The following HMCN2 variants were observed in gnomAD, a reference collection of about 807,000 sequenced individuals.
HMCN2 encodes hemicentin-2.
Under a neutral mutation model 377.5 loss-of-function variants are expected in HMCN2, and 325 were observed. The observed-to-expected ratio is 0.86, with a 90% CI of 0.79 to 0.94. HMCN2 has a LOEUF of 0.94. Among genes scored for constraint, HMCN2 ranks in the 40% least tolerant of loss-of-function variants. HMCN2 has a pLI of 0.00. For missense variants in HMCN2, 4,543 were observed against 4,725.3 expected (o/e 0.96, Z 1.13); for synonymous variants, 2,007 against 2,046.8 (o/e 0.98, Z 0.53).
At chr9:130,349,227 C>CTCTCCGCA in intron 28 of HMCN2, 96 bp downstream of exon 28, 1 of 1,195,066 alleles carries the variant, frequency 8.4e-7, no homozygotes, top group Non-Finnish European at 1.1e-6. Context: ...ACTTTGCCTG[C>CTCTCCGCA]GGAGAGCAGG....
At chr9:130,288,740 T>C (rs2131291345) in intron 4 of HMCN2, among the ~76,000 whole-genome samples, 1 of 152,342 alleles carries the variant, frequency 6.6e-6, no homozygotes, top group African/African-American at 2.4e-5. Flanking sequence ...CAGTCACAGC[T>C]AGGGCTTACT....
At chr9:130,429,053 A>G in intron 93 of HMCN2, 1 of 179,586 alleles carries the variant, frequency 5.6e-6, no homozygotes, top group South Asian at 1.2e-4. Flanking sequence ...GCCTGACCCA[A>G]GGGGATCAGC....
chr9:130,427,401 A>C, intron 91 of HMCN2, 26 bp downstream of exon 91: 1 of 1,550,490 alleles, frequency 6.4e-7, no homozygotes, highest in Non-Finnish European at 8.7e-7. Flanking sequence ...CCTGGCATGG[A>C]TGTGGGAGGC....
Position 130,422,820 on chromosome 9 carries a change from C to A in HMCN2, c.13381+94C>A. 1.9e-6 allele frequency: 2 copies of A among 1,066,210 alleles called. No homozygotes were observed. The highest frequency in any genetic ancestry group is 2.4e-6 in the Non-Finnish European group (2 of 832,612). The allele number at this position is 1,066,210 out of a possible 1,614,324, so 66.0% of individuals were successfully genotyped here. A position where few individuals can be genotyped will look rare whatever the true frequency, so the allele number is the denominator to read the frequency against. ...ATGCTGGACCTAGGAGGCGCAGAGC[C>A]TGTGCCCCGAGACTTGCTCAAGGCC... On this transcript the variant is annotated intron_variant, in intron 87 of 97. Transcript: ENST00000683500. This position sits in a 1 kb window ranked among gnomAD's most constrained non-coding sequence, Gnocchi z 4.2.
intron 22 of HMCN2, among the ~76,000 whole-genome samples, chr9:130,334,245 G>A (rs1564791367): frequency 6.6e-6 from 1 of 152,288 alleles, no homozygotes; most frequent in East Asian, 1.9e-4. Context: ...AGTTGGGGGT[G>A]GTCTGCGTAG....
At chr9:130,285,564 G>T (rs1240779250) in intron 3 of HMCN2, among the ~76,000 whole-genome samples, 2 of 152,214 alleles carry the variant, frequency 1.3e-5, no homozygotes, top group Admixed American at 6.5e-5. Flanking sequence ...GCTTGTTCCT[G>T]TTGGAGACCA....
chr9:130,322,174 T>A (rs1837885576), intron 19 of HMCN2, among the ~76,000 whole-genome samples: 1 of 152,126 alleles, frequency 6.6e-6, no homozygotes, highest in African/African-American at 2.4e-5. Context: ...ACACACACAC[T>A]CTCTATATGT....
intron 90 of HMCN2, 51 bp downstream of exon 90, chr9:130,425,975 CAGG>C: frequency 1.0e-5 from 14 of 1,366,720 alleles, no homozygotes; most frequent in Non-Finnish European, 1.4e-5. Context: ...TAAAACCTGC[CAGG>C]GGGCCCAAAT....
Position 130,428,250 on chromosome 9 carries a change from T to G in HMCN2, c.14066-108T>G. 1 of 1,334,158 alleles carries G rather than the reference T, an allele frequency of 7.5e-7. No homozygotes were observed. The highest frequency in any genetic ancestry group is 9.9e-7 in the Non-Finnish European group (1 of 1,006,892). 82.6% of individuals were successfully genotyped at this position (1,334,158 alleles called of 1,614,324 possible). A position where few individuals can be genotyped will look rare whatever the true frequency, so the allele number is the denominator to read the frequency against. On this transcript the variant is annotated intron_variant, in intron 92 of 97. Transcript: ENST00000683500. This position sits in a 1 kb window ranked among gnomAD's most constrained non-coding sequence, Gnocchi z 5.0. ...GGGTGGGGACCTTCCTGCCAGTGGCTCCTGGGCCTGCGGACGAAGCCTCTG... is the reference window on the plus strand; with the variant it reads ...GGGTGGGGACCTTCCTGCCAGTGGCGCCTGGGCCTGCGGACGAAGCCTCTG...
chr9:130,280,940 C>T (rs548004088), intron 1 of HMCN2, among the ~76,000 whole-genome samples: 1 of 151,880 alleles, frequency 6.6e-6, no homozygotes, highest in East Asian at 2.0e-4. Context: ...TCTGTTTCTA[C>T]TAAAAATACA....
intron 86 of HMCN2, among the ~76,000 whole-genome samples, chr9:130,421,537 C>G (rs1360001005): frequency 6.6e-6 from 1 of 152,144 alleles, no homozygotes; most frequent in African/African-American, 2.4e-5. Flanking sequence ...GGTGGCTTGC[C>G]TGCCGTGCCT....
At chr9:130,322,973 T>C (rs1837932971) in intron 19 of HMCN2, among the ~76,000 whole-genome samples, 1 of 152,190 alleles carries the variant, frequency 6.6e-6, no homozygotes. Context: ...GAGTGCAAAG[T>C]TCAGAAGGGC....
Position 130,384,714 on chromosome 9 carries a change from C to T in HMCN2, c.9022C>T (p.Arg3008Trp), listed in dbSNP as rs1417022711. 9.2e-6 allele frequency: 12 copies of T among 1,302,370 alleles called. No individual in the cohort carries two copies. The highest frequency in any genetic ancestry group is 2.5e-5 in the South Asian group (2 of 81,040). The allele number at this position is 1,302,370 out of a possible 1,614,324, so 80.7% of individuals were successfully genotyped here. ...GTHTLQLGRA[R>W]LSDSGMYTCE... ...CCACACGCTGCAGCTGGGGAGAGCACGGCTGTCGGACTCCGGGATGTACAC... is the reference window on the plus strand; with the variant it reads ...CCACACGCTGCAGCTGGGGAGAGCATGGCTGTCGGACTCCGGGATGTACAC... The change falls in exon 59 of 98, where the codon CGG becomes TGG. Residue 3008 changes from arginine (R) to tryptophan (W), a missense_variant. Physicochemically the swap from Arg to Trp is moderately radical, Grantham distance 101 (BLOSUM62 -3). This residue lies in a region of HMCN2 where 736 missense variants were observed against 773.2 expected (regional missense o/e 0.95). Transcript: ENST00000683500.
At position 130,354,002 on chromosome 9, in the gene HMCN2, G is replaced by A. The variant is rs902449754; in HGVS notation, c.4865-761G>A. Among the ~76,000 whole-genome samples, 28 of 152,276 alleles carry A rather than the reference G, an allele frequency of 1.8e-4. No individual in the cohort carries two copies. In the South Asian group the frequency reaches 3.7e-3, roughly 20 times the overall value. On this transcript the variant is annotated intron_variant, in intron 31 of 97. Transcript: ENST00000683500. The stretch of plus-strand genomic sequence containing the variant: ...GGCAGCTGAGCTGCATGGGCTCCAC[G>A]GCAGCCTCTGAAGATGGCCCCGCCG...
At chr9:130,365,756 A>T in intron 42 of HMCN2, 29 bp downstream of exon 42, 1 of 976,264 alleles carries the variant, frequency 1.0e-6, no homozygotes, top group Non-Finnish European at 1.2e-6. Flanking sequence ...GGGCAGGGGG[A>T]GGGGGCTGCT....
Position 130,431,384 on chromosome 9 carries a change from G to A in HMCN2, c.14665G>A (p.Val4889Met), listed in dbSNP as rs542519676. The change falls in exon 96 of 98, where the codon GTG becomes ATG. Residue 4889 changes from valine to methionine, a missense_variant. Coordinates refer to ENST00000683500, the MANE Select transcript of HMCN2 (RefSeq NM_001291815.2). ...GVCTDLDECR[V>M]RNLCQHACRN... ...CGGGCCAGACCTTGACGAGTGCCGC[G>A]TGAGGAACCTGTGTCAGCACGCCTG... is the stretch of plus-strand genomic sequence containing the variant. The A allele has an allele frequency of 1.1e-4, 166 of 1,549,818 alleles. No individual in the cohort carries two copies. Among genetic ancestry groups the A allele is most frequent in the Non-Finnish European group, 1.1e-4 (121 of 1,146,790 alleles).
At chr9:130,277,994 T>TCACCACCACCACCATCATCATCAC (rs1834862129) in intron 1 of HMCN2, among the ~76,000 whole-genome samples, 3 of 41,336 alleles carry the variant, frequency 7.3e-5, no homozygotes, top group South Asian at 8.3e-4. Flanking sequence ...ACCACGATCA[T>TCACCACCACCACCATCATCATCAC]CACCACCACC....
intron 85 of HMCN2, among the ~76,000 whole-genome samples, chr9:130,412,567 C>CTTTTTTTTTTTTTTTTTTTTTTT (rs55873444): frequency 7.4e-6 from 1 of 134,526 alleles, no homozygotes; most frequent in East Asian, 2.2e-4. Context: ...CTTTCTTTCT[C>CTTTTTTTTTTTTTTTTTTTTTTT]TTTTTTTTTT....
At chr9:130,317,700 A>G in intron 15 of HMCN2, among the ~76,000 whole-genome samples, 1 of 144,326 alleles carries the variant, frequency 6.9e-6, no homozygotes, top group East Asian at 2.2e-4. Context: ...GGGTTTCCCC[A>G]TGTCGAACCT....
Sources: allele counts gnomAD v4.1 joint callset (sites outside exome capture counted in the v4.1 genomes callset), GRCh38; gene constraint gnomAD v4.1.1; regional missense constraint gnomAD v4.1.1; non-coding constraint Gnocchi (gnomAD v3.1); transcripts MANE v1.5; gene names NCBI Gene and HGNC (gene_info 2026-07-23, HGNC 2026-07-21).